NTNG1: variants seen among roughly 807,000 people sequenced by gnomAD.
The protein encoded by NTNG1 is netrin-G1.
A neutral mutation model predicts 54.0 loss-of-function variants in NTNG1; 16 were observed. The ratio of observed to expected loss-of-function variants is 0.30; its 90% CI spans 0.20 to 0.45. The LOEUF (loss-of-function observed/expected upper bound fraction) is 0.45. Among genes scored for constraint, NTNG1 ranks in the 20% least tolerant of loss-of-function variants. The pLI, the probability that NTNG1 is intolerant of heterozygous loss-of-function variation, is 1.00. For missense variants in NTNG1, 530 were observed against 678.7 expected, an observed-to-expected ratio of 0.78 and a Z score of 2.43; for synonymous variants, 255 against 263.1, an observed-to-expected ratio of 0.97 and a Z score of 0.30.
At chr1:107,389,958 C>T (rs547066489) in intron 3 of NTNG1, among the ~76,000 whole-genome samples, 3 of 152,312 alleles carry the variant, frequency 2.0e-5, no homozygotes, top group African/African-American at 4.8e-5. Context: ...CTGCCCTCTA[C>T]ACATCGTGAG....
intron 2 of NTNG1, among the ~76,000 whole-genome samples, chr1:107,282,717 C>CATA (rs1221272421): frequency 6.6e-6 from 1 of 152,140 alleles, no homozygotes; most frequent in African/African-American, 2.4e-5. Flanking sequence ...TAGCACTGTC[C>CATA]TTCAGTCTCA....
chr1:107,202,265 T>G (rs1436257649), intron 2 of NTNG1, among the ~76,000 whole-genome samples: 1 of 151,852 alleles, frequency 6.6e-6, no homozygotes, highest in African/African-American at 2.4e-5. Flanking sequence ...AAATCTCAGT[T>G]TCAACCTTTA....
At chr1:107,277,724 A>C (rs995747099) in intron 2 of NTNG1, among the ~76,000 whole-genome samples, 3 of 152,228 alleles carry the variant, frequency 2.0e-5, no homozygotes, top group African/African-American at 7.2e-5. Flanking sequence ...CCTCAGAAGA[A>C]TCACATTTGA....
At chr1:107,151,968 TAAGG>T (rs1213186100) in intron 2 of NTNG1, among the ~76,000 whole-genome samples, 1 of 151,806 alleles carries the variant, frequency 6.6e-6, no homozygotes, top group Non-Finnish European at 1.5e-5. Context: ...TCATAGTGGA[TAAGG>T]AAGAGGAATA....
chr1:107,189,431 T>C (rs1319981952), intron 2 of NTNG1, among the ~76,000 whole-genome samples: 1 of 151,640 alleles, frequency 6.6e-6, no homozygotes, highest in African/African-American at 2.4e-5. Flanking sequence ...CTTAGTTTTT[T>C]TTAAAGGAAA....
chr1:107,468,596 T>C (rs1180699200), intron 7 of NTNG1, among the ~76,000 whole-genome samples: 1 of 152,232 alleles, frequency 6.6e-6, no homozygotes, highest in Non-Finnish European at 1.5e-5. Context: ...GTTCCCATAA[T>C]GGTTTCTCAC....
intron 2 of NTNG1, among the ~76,000 whole-genome samples, chr1:107,282,961 G>A (rs1298848118): frequency 6.6e-6 from 1 of 152,074 alleles, no homozygotes; most frequent in Non-Finnish European, 1.5e-5. Flanking sequence ...CTTGACAGAG[G>A]GGGTGAGGAA....
At chr1:107,400,989 A>C (rs956141547) in intron 4 of NTNG1, among the ~76,000 whole-genome samples, 1 of 152,108 alleles carries the variant, frequency 6.6e-6, no homozygotes, top group African/African-American at 2.4e-5. Flanking sequence ...AAGTAAACCT[A>C]ATAGCCCTGT....
intron 3 of NTNG1, among the ~76,000 whole-genome samples, chr1:107,369,602 C>T (rs1487620592): frequency 5.9e-5 from 9 of 151,966 alleles, no homozygotes; most frequent in Admixed American, 2.0e-4. Flanking sequence ...GATTATTTTC[C>T]TATTATTGAG....
chr1:107,148,460 TAA>T lies in NTNG1; in HGVS notation c.-126_-125del. 3.9e-6 allele frequency: 3 copies of T among 776,366 alleles called. No individual in the cohort carries two copies. The highest frequency in any genetic ancestry group is 4.1e-6 in the Non-Finnish European group (2 of 485,006). 48.1% of individuals were successfully genotyped at this position (776,366 alleles called of 1,614,324 possible). On this transcript the variant is annotated 5_prime_UTR_variant, in exon 2 of 8. Coordinates refer to ENST00000370068, the MANE Select transcript of NTNG1 (RefSeq NM_001113226.3). The stretch of plus-strand genomic sequence containing the variant: ...TCTGCTTTGAGGTCCCATCTTCATT[TAA>T]AAAAAAATACAGAGACCTACCTACC...
chr1:107,175,577 G>T (rs559001229), intron 2 of NTNG1, among the ~76,000 whole-genome samples: 1 of 151,716 alleles, frequency 6.6e-6, no homozygotes, highest in Non-Finnish European at 1.5e-5. Context: ...TGTCACTGAG[G>T]TATTGTTTTT....
chr1:107,147,384 G>T (rs1654202919), intron 1 of NTNG1, among the ~76,000 whole-genome samples: 1 of 152,010 alleles, frequency 6.6e-6, no homozygotes, highest in African/African-American at 2.4e-5. Context: ...GGCAAATGCA[G>T]ATGTAATGGC....
At chr1:107,471,620 T>C (rs1010509630) in intron 7 of NTNG1, among the ~76,000 whole-genome samples, 5 of 152,180 alleles carry the variant, frequency 3.3e-5, no homozygotes, top group African/African-American at 7.2e-5. Flanking sequence ...TTTGAGAAAA[T>C]GGGCACTGCC....
chr1:107,192,278 T>C (rs1658013611), intron 2 of NTNG1, among the ~76,000 whole-genome samples: 1 of 152,134 alleles, frequency 6.6e-6, no homozygotes, highest in Non-Finnish European at 1.5e-5. Context: ...CTACTTGCTC[T>C]GTGCCCCTGT....
chr1:107,332,882 T>C (rs1668366040), intron 3 of NTNG1, among the ~76,000 whole-genome samples: 1 of 152,034 alleles, frequency 6.6e-6, no homozygotes, highest in South Asian at 2.1e-4. Context: ...CTCCCTTTTA[T>C]AGGTAGGAAA....
At chr1:107,188,408 T>C (rs1657636929) in intron 2 of NTNG1, among the ~76,000 whole-genome samples, 1 of 152,268 alleles carries the variant, frequency 6.6e-6, no homozygotes, top group Non-Finnish European at 1.5e-5. Context: ...CTTCACACTC[T>C]GCATAAGTAA....
At chr1:107,257,122 TAA>T (rs1279872586) in intron 2 of NTNG1, among the ~76,000 whole-genome samples, 3 of 152,160 alleles carry the variant, frequency 2.0e-5, no homozygotes, top group Non-Finnish European at 4.4e-5. Flanking sequence ...TAAACAATAT[TAA>T]AAAAGAGATT....
At chr1:107,312,950 A>C (rs1667114410) in intron 2 of NTNG1, among the ~76,000 whole-genome samples, 1 of 152,076 alleles carries the variant, frequency 6.6e-6, no homozygotes, top group Non-Finnish European at 1.5e-5. Context: ...GCCTGCTAAT[A>C]CTTTAATACC....
chr1:107,238,680 T>C (rs991921056), intron 2 of NTNG1, among the ~76,000 whole-genome samples: 1 of 152,134 alleles, frequency 6.6e-6, no homozygotes, highest in Non-Finnish European at 1.5e-5. Context: ...AGTTTTCCTG[T>C]ACAAGCTTTT....
Sources: gnomAD v4.1 joint callset for allele counts (sites outside exome capture counted in the v4.1 genomes callset) on GRCh38, gnomAD v4.1.1 for gene constraint, MANE v1.5 for transcripts, NCBI Gene and HGNC (gene_info 2026-07-23, HGNC 2026-07-21) for gene names.